The following SENP6 variants were observed in gnomAD, a reference collection of about 807,000 sequenced individuals.
SENP6 encodes the protein SUMO specific peptidase 6.
A neutral mutation model predicts 134.5 loss-of-function variants in SENP6; 41 were observed. That is an observed-to-expected ratio of 0.30 (90% CI 0.24 to 0.40). SENP6 has a LOEUF of 0.40. Ranked by LOEUF, SENP6 falls within the 10% of genes least tolerant of loss-of-function variation. SENP6 has a pLI of 1.00. For missense variants in SENP6, 1,248 were observed against 1,312.5 expected (o/e 0.95, Z 0.76); for synonymous variants, 395 against 429.8 (o/e 0.92, Z 1.00).
At chr6:75,651,822 ACT>A (rs1770891292) in intron 7 of SENP6, among the ~76,000 whole-genome samples, 1 of 152,096 alleles carries the variant, frequency 6.6e-6, no homozygotes, top group Non-Finnish European at 1.5e-5. Flanking sequence ...TAGTTTTTAC[ACT>A]CTCATTAAAA....
rs1766687653 is a variant in SENP6, at chr6:75,602,359, C to T, written c.-166C>T. 2 of 727,508 alleles carry T rather than the reference C, an allele frequency of 2.7e-6. No homozygotes were observed. The highest frequency in any genetic ancestry group is 1.9e-5 in the African/African-American group (1 of 53,472). 45.1% of individuals were successfully genotyped at this position (727,508 alleles called of 1,614,324 possible). A position where few individuals can be genotyped will look rare whatever the true frequency, so the allele number is the denominator to read the frequency against. On this transcript the variant is annotated 5_prime_UTR_variant, in exon 1 of 24. Coordinates refer to ENST00000447266, the MANE Select transcript of SENP6 (RefSeq NM_015571.4). ...ACAGGCCCGGGCGCGCCTGGCCTGCCTTTGTATAGGCCCGTCTGAACGTGG... is the reference window on the plus strand; with the variant it reads ...ACAGGCCCGGGCGCGCCTGGCCTGCTTTTGTATAGGCCCGTCTGAACGTGG...
chr6:75,713,872 G>GCATT (rs758208957), intron 23 of SENP6, 47 bp downstream of exon 23: 1 of 1,345,078 alleles, frequency 7.4e-7, no homozygotes, highest in South Asian at 1.5e-5. Context: ...ATAAAATAGT[G>GCATT]CATTTGACTT....
At chr6:75,667,332 A>AT (rs1300425848) in intron 10 of SENP6, among the ~76,000 whole-genome samples, 1 of 152,204 alleles carries the variant, frequency 6.6e-6, no homozygotes, top group Non-Finnish European at 1.5e-5. Context: ...AAAAGGTAAT[A>AT]TGAACGATGT....
intron 11 of SENP6, 117 bp from the exon 12 acceptor site, chr6:75,675,316 CTG>C (rs1773004236): frequency 1.7e-6 from 1 of 588,532 alleles, no homozygotes; most frequent in Admixed American, 3.6e-5. Flanking sequence ...ACCAACTTCT[CTG>C]TGGGATTTTA....
chr6:75,673,691 C>T (rs539892420), intron 11 of SENP6, among the ~76,000 whole-genome samples: 49 of 152,146 alleles, frequency 3.2e-4, no homozygotes, highest in African/African-American at 1.1e-3. Flanking sequence ...ACTTAGATAT[C>T]ACTTCCTTCA....
At chr6:75,633,434 A>C (rs1769264725) in intron 3 of SENP6, 147 bp from the exon 4 acceptor site, 3 of 623,620 alleles carry the variant, frequency 4.8e-6, no homozygotes, top group African/African-American at 3.9e-5. Context: ...TAGGCAGTTG[A>C]ATTATTCTTA....
At chr6:75,709,714 A>C in intron 20 of SENP6, 84 bp downstream of exon 20, 1 of 886,878 alleles carries the variant, frequency 1.1e-6, no homozygotes, top group Non-Finnish European at 1.8e-6. Flanking sequence ...GCACACCTGT[A>C]GTCCCAGTGA....
At chr6:75,652,430 A>C (rs1473654035) in intron 7 of SENP6, among the ~76,000 whole-genome samples, 2 of 152,050 alleles carry the variant, frequency 1.3e-5, no homozygotes, top group African/African-American at 4.8e-5. Flanking sequence ...TTATTACTGT[A>C]CTGGTACGTG....
chr6:75,628,493 A>ATGGTT (rs1768868305), intron 3 of SENP6, among the ~76,000 whole-genome samples: 2 of 152,168 alleles, frequency 1.3e-5, no homozygotes, highest in South Asian at 4.1e-4. Flanking sequence ...GGTGAGGCTG[A>ATGGTT]TGGTTTCCCT....
chr6:75,647,748 A>G lies in SENP6; in HGVS notation c.497A>G (p.His166Arg), dbSNP rs2149849371. 6 of 1,611,594 alleles carry G rather than the reference A, an allele frequency of 3.7e-6. No homozygotes were observed. In the Middle Eastern group the frequency reaches 6.6e-4, roughly 178 times the overall value. ...DRKERKEYPP[H>R]VQKVEINPVR... ...TTTTTTAGGAAAGAATACCCACCTC[A>G]TGTCCAAAAAGTTGAAATTAATCCT... Residue 166 changes from histidine to arginine, a missense_variant, in exon 7 of 24, where the codon CAT (histidine) becomes CGT (arginine). By Grantham distance (29) the His-to-Arg change is conservative. Transcript: ENST00000447266.
chr6:75,665,824 C>T (rs2647416), intron 9 of SENP6, among the ~76,000 whole-genome samples: 59,648 of 151,492 alleles, frequency 0.39, 12,073 homozygotes, highest in East Asian at 0.55. Context: ...GTCGGGAGTT[C>T]GAGACCAGCC....
chr6:75,610,531 G>GT (rs879564609), intron 1 of SENP6, among the ~76,000 whole-genome samples: 11 of 152,302 alleles, frequency 7.2e-5, no homozygotes, highest in Admixed American at 3.3e-4. Context: ...AAACAGGGTT[G>GT]TTTTTGGACC....
intron 16 of SENP6, chr6:75,679,590 T>C (rs1180912410): frequency 2.0e-5 from 3 of 152,226 alleles, no homozygotes; most frequent in Non-Finnish European, 4.4e-5. Context: ...TGCTTCATTA[T>C]CTTTGGAGGT....
intron 1 of SENP6, among the ~76,000 whole-genome samples, chr6:75,616,383 C>G (rs373194096): frequency 5.9e-5 from 9 of 152,074 alleles, no homozygotes; most frequent in African/African-American, 1.9e-4. Context: ...TATTTTTTCT[C>G]TCACTGGAAA....
chr6:75,700,628 C>T (rs970843716), intron 18 of SENP6, among the ~76,000 whole-genome samples: 1 of 152,084 alleles, frequency 6.6e-6, no homozygotes, highest in Non-Finnish European at 1.5e-5. Flanking sequence ...GTAGCTTGGA[C>T]CACAGGCACG....
At chr6:75,713,853 TAATA>T in intron 23 of SENP6, 28 bp downstream of exon 23, 2 of 1,475,466 alleles carry the variant, frequency 1.4e-6, no homozygotes, top group Non-Finnish European at 1.8e-6. Context: ...GGATCTGCTA[TAATA>T]AATAATAAAA....
chr6:75,630,251 G>T (rs1425115804), intron 3 of SENP6, among the ~76,000 whole-genome samples: 1 of 151,876 alleles, frequency 6.6e-6, no homozygotes, highest in Non-Finnish European at 1.5e-5. Context: ...TGTATTTTTA[G>T]TAGAGACGGG....
At chr6:75,675,057 C>T (rs1256254492) in intron 11 of SENP6, among the ~76,000 whole-genome samples, 1 of 151,924 alleles carries the variant, frequency 6.6e-6, no homozygotes, top group Non-Finnish European at 1.5e-5. Flanking sequence ...GTTGTAACCA[C>T]CAGTAATAAG....
At chr6:75,697,654 C>A in intron 18 of SENP6, 137 bp downstream of exon 18, 1 of 599,762 alleles carries the variant, frequency 1.7e-6, no homozygotes, top group Non-Finnish European at 2.9e-6. Flanking sequence ...ATTTGTACTG[C>A]CTGTTTTACA....
Sources: gnomAD v4.1 joint callset for allele counts (sites outside exome capture counted in the v4.1 genomes callset) on GRCh38, gnomAD v4.1.1 for gene constraint, MANE v1.5 for transcripts, NCBI Gene and HGNC (gene_info 2026-07-23, HGNC 2026-07-21) for gene names.